The following DNAH8 variants were observed in gnomAD, a reference collection of about 807,000 sequenced individuals.
DNAH8 encodes the protein axonemal beta dynein heavy chain 8.
A neutral mutation model predicts 562.1 loss-of-function variants in DNAH8; 382 were observed. That is an observed-to-expected ratio of 0.68 (90% CI 0.63 to 0.74). The LOEUF (loss-of-function observed/expected upper bound fraction) is 0.74, where lower values mean the gene tolerates loss of function less well. Ranked by LOEUF, DNAH8 falls within the 30% of genes least tolerant of loss-of-function variation. The pLI is 0.00. For synonymous variants in DNAH8, 1,881 were observed against 1,919.4 expected (o/e 0.98, Z 0.52); for missense variants, 5,203 against 5,620.4 (o/e 0.93, Z 2.37).
At chr6:38,858,629 C>G (rs1050059585) in intron 42 of DNAH8, among the ~76,000 whole-genome samples, 1 of 152,154 alleles carries the variant, frequency 6.6e-6, no homozygotes, top group African/African-American at 2.4e-5. Flanking sequence ...CCTACTGAAT[C>G]AGAATCTGCA....
chr6:38,741,321 T>C (rs1764499498), intron 7 of DNAH8, among the ~76,000 whole-genome samples: 2 of 152,118 alleles, frequency 1.3e-5, no homozygotes, highest in Admixed American at 6.6e-5. Context: ...GAGGATTGCT[T>C]CAGCCCAGGA....
At chr6:38,811,524 A>G (rs1562868272) in intron 24 of DNAH8, among the ~76,000 whole-genome samples, 1 of 152,208 alleles carries the variant, frequency 6.6e-6, no homozygotes, top group Non-Finnish European at 1.5e-5. Context: ...TCAAGAAAAA[A>G]TACTTTTTCC....
intron 57 of DNAH8, among the ~76,000 whole-genome samples, chr6:38,890,291 G>T (rs999039539): frequency 6.6e-6 from 1 of 152,164 alleles, no homozygotes; most frequent in Non-Finnish European, 1.5e-5. Context: ...CTGATGTACA[G>T]ACTCTAGGGC....
chr6:38,747,551 T>G (rs956934114), intron 8 of DNAH8, among the ~76,000 whole-genome samples: 1 of 152,172 alleles, frequency 6.6e-6, no homozygotes, highest in African/African-American at 2.4e-5. Context: ...CATACCCAGC[T>G]AATTTTTGTA....
rs1163638977 is a variant in DNAH8, at chr6:38,877,461, C to G, written c.7858+1633C>G. On this transcript the variant is annotated intron_variant, in intron 53 of 92. Coordinates refer to ENST00000327475, the MANE Select transcript of DNAH8 (RefSeq NM_001206927.2). Reference sequence around the variant, plus strand: ...TTGACAACAATCTAGACTCATATTCCTTCTTCAAGGTGGTCCTGAAGTGGT... The same window carrying G: ...TTGACAACAATCTAGACTCATATTCGTTCTTCAAGGTGGTCCTGAAGTGGT... Among the ~76,000 whole-genome samples, 5 of 152,278 alleles carry G rather than the reference C, an allele frequency of 3.3e-5. No homozygotes were observed. The East Asian group carries it at 9.6e-4, about 29-fold the overall frequency.
At position 38,770,540 on chromosome 6, in the gene DNAH8, T is replaced by G. The variant is rs1554205182; in HGVS notation, c.1745T>G (p.Phe582Cys). 6.2e-7 allele frequency: 1 copy of G among 1,601,052 alleles called. No homozygotes were observed. The highest frequency in any genetic ancestry group is 8.5e-7 in the Non-Finnish European group (1 of 1,176,544). ...EMYIFGKFEA[F>C]CKRLEKITEM... ...TATATATTTGGAAAATTTGAAGCTT[T>G]TTGCAAAAGACTGGAGAAGGTAAGC... The change falls in exon 12 of 93, where the codon TTT (phenylalanine) becomes TGT (cysteine). Residue 582 changes from phenylalanine to cysteine, a missense_variant. By Grantham distance (205) the Phe-to-Cys change is radical. This residue lies in a region of DNAH8 where 2,176 missense variants were observed against 2,365.1 expected (regional missense o/e 0.92). Coordinates refer to ENST00000327475, the MANE Select transcript of DNAH8 (RefSeq NM_001206927.2).
At chr6:38,901,052 A>AT (rs928140494) in intron 62 of DNAH8, among the ~76,000 whole-genome samples, 80 of 132,114 alleles carry the variant, frequency 6.1e-4, no homozygotes, top group Non-Finnish European at 1.0e-3. Context: ...CCCTTTCTCC[A>AT]TTTTTTTTTC....
At chr6:38,939,524 G>C (rs1319305031) in intron 79 of DNAH8, among the ~76,000 whole-genome samples, 1 of 152,172 alleles carries the variant, frequency 6.6e-6, no homozygotes, top group African/African-American at 2.4e-5. Context: ...GAATAAACCA[G>C]ATATTGCTTG....
chr6:38,962,055 A>G (rs1308158737), intron 82 of DNAH8, among the ~76,000 whole-genome samples: 1 of 152,030 alleles, frequency 6.6e-6, no homozygotes, highest in Non-Finnish European at 1.5e-5. Context: ...ACTCCTCTTC[A>G]TTATAGCAAT....
intron 1 of DNAH8, among the ~76,000 whole-genome samples, chr6:38,717,263 T>G (rs1264306325): frequency 6.6e-6 from 1 of 152,198 alleles, no homozygotes; most frequent in Non-Finnish European, 1.5e-5. Context: ...ACATTCACTC[T>G]GTGTGCTTTG....
At chr6:38,925,635 A>G (rs943381271) in intron 73 of DNAH8, among the ~76,000 whole-genome samples, 7 of 152,132 alleles carry the variant, frequency 4.6e-5, no homozygotes, top group Admixed American at 1.3e-4. Flanking sequence ...GCAATCACCC[A>G]TACACCATGT....
At chr6:38,883,847 C>A in intron 55 of DNAH8, 29 bp from the exon 56 acceptor site, 1 of 1,510,766 alleles carries the variant, frequency 6.6e-7, no homozygotes, top group Non-Finnish European at 8.9e-7. Flanking sequence ...AAATCTAATG[C>A]ATAAGACAAA....
chr6:38,942,218 C>T (rs139107149), intron 79 of DNAH8, among the ~76,000 whole-genome samples: 5 of 152,266 alleles, frequency 3.3e-5, no homozygotes, highest in East Asian at 3.9e-4. Flanking sequence ...ACAAAGATAC[C>T]GTGCAATACG....
chr6:38,868,178 T>C lies in DNAH8; in HGVS notation c.6810T>C (p.Asp2270=), dbSNP rs765730505. ...GCATTGTCATGAGAGGACTAAGAGA[T>C]ATGAACCTTTCCAAACTGGTATCTT... ...ELSIVMRGLR[D]MNLSKLVDED... is the part of the protein sequence containing the mutation. The change falls in exon 48 of 93, where the codon GAT becomes GAC. Residue 2270 remains aspartate (D), a synonymous_variant. Transcript: ENST00000327475. 1 of 1,608,526 alleles carries C rather than the reference T, an allele frequency of 6.2e-7. No individual in the cohort carries two copies. The highest frequency in any genetic ancestry group is 8.5e-7 in the Non-Finnish European group (1 of 1,178,696).
chr6:38,922,229 T>C (rs1366034483), intron 71 of DNAH8, among the ~76,000 whole-genome samples: 1 of 151,338 alleles, frequency 6.6e-6, no homozygotes, highest in Admixed American at 6.6e-5. Flanking sequence ...TTGGGATAGG[T>C]TGTAAGCAGT....
In DNAH8 at chr6:38,741,871, A is replaced by C. The variant is rs757379846; in HGVS notation, c.1277A>C (p.His426Pro). 21 of 1,610,370 alleles carry C rather than the reference A, an allele frequency of 1.3e-5. No individual in the cohort carries two copies. The highest frequency in any genetic ancestry group is 1.7e-5 in the Non-Finnish European group (20 of 1,179,024). The change falls in exon 8 of 93, where the codon CAC (histidine) becomes CCC (proline). Residue 426 changes from histidine (H) to proline (P), a missense_variant. Coordinates refer to ENST00000327475, the MANE Select transcript of DNAH8 (RefSeq NM_001206927.2). ...GTCATAAATGTGCTAAATGTTGCAC[A>C]CTCCAAACTGCTAAAGGTAAAAGGC... The part of the protein sequence containing the change: ...KAVINVLNVA[H>P]SKLLKNWRDL...
At chr6:38,986,259 G>T (rs1004093799) in intron 87 of DNAH8, among the ~76,000 whole-genome samples, 2 of 152,144 alleles carry the variant, frequency 1.3e-5, no homozygotes, top group Admixed American at 6.5e-5. Context: ...GCCTATGGTG[G>T]CATATAATGC....
chr6:38,883,725 T>G (rs1778691740), intron 55 of DNAH8, 151 bp from the exon 56 acceptor site: 6 of 677,664 alleles, frequency 8.9e-6, no homozygotes, highest in Non-Finnish European at 1.3e-5. Context: ...TGCCTTATTT[T>G]TAAAAATTTA....
intron 45 of DNAH8, 76 bp from the exon 46 acceptor site, chr6:38,866,514 AG>A: frequency 1.0e-6 from 1 of 994,756 alleles, no homozygotes; most frequent in Non-Finnish European, 1.5e-6. Context: ...AATCTGAATT[AG>A]GGGTTTGAAA....
Sources: allele counts gnomAD v4.1 joint callset (sites outside exome capture counted in the v4.1 genomes callset), GRCh38; gene constraint gnomAD v4.1.1; regional missense constraint gnomAD v4.1.1; transcripts MANE v1.5; gene names NCBI Gene and HGNC (gene_info 2026-07-23, HGNC 2026-07-21).